The following CMSS1 variants were observed in gnomAD, a reference collection of about 807,000 sequenced individuals.
CMSS1 encodes the protein cms1 ribosomal small subunit homolog, also known as protein CMSS1.
Under a neutral mutation model 43.5 loss-of-function variants are expected in CMSS1, and 33 were observed. That is an observed-to-expected ratio of 0.76 (90% confidence interval 0.57 to 1.01). CMSS1 has a LOEUF of 1.01. Ranked by LOEUF, CMSS1 falls within the 50% of genes least tolerant of loss-of-function variation. The pLI is 0.00. For synonymous variants in CMSS1, 115 were observed against 117.2 expected (o/e 0.98, Z 0.12); for missense variants, 313 against 326.4 (o/e 0.96, Z 0.32).
intron 1 of CMSS1, chr3:99,876,097 C>CG: frequency 1.0e-6 from 1 of 986,342 alleles, no homozygotes; most frequent in Non-Finnish European, 1.2e-6. Context: ...CGGGGCCGGG[C>CG]GGGGGCCGGG....
chr3:99,840,476 C>T lies in CMSS1; in HGVS notation c.64+22433C>T, dbSNP rs1943086665. On this transcript the variant is annotated intron_variant, in intron 1 of 9. Transcript: ENST00000421999. ...TGACCTCATGATCTGCCCGCTTTGG[C>T]CTCCCAAAGTGCTGGGATTACAGGC... Among the ~76,000 whole-genome samples the T allele has an allele frequency of 2.0e-5, 3 of 152,022 alleles. No individual in the cohort carries two copies. The South Asian group carries it at 6.2e-4, about 31-fold the overall frequency.
chr3:99,910,443 A>C (rs1706752875), intron 1 of CMSS1, among the ~76,000 whole-genome samples: 1 of 136,286 alleles, frequency 7.3e-6, no homozygotes, highest in African/African-American at 2.5e-5. Flanking sequence ...CATTTCTTTA[A>C]TAAATCTTCC....
intron 1 of CMSS1, among the ~76,000 whole-genome samples, chr3:99,851,675 CAA>C (rs1425672343): frequency 2.0e-5 from 3 of 152,072 alleles, no homozygotes; most frequent in Non-Finnish European, 4.4e-5. Flanking sequence ...TTGCTTGAAC[CAA>C]AGTGTTCAAT....
At chr3:99,850,217 T>C (rs1433432547) in intron 1 of CMSS1, 1 of 1,613,382 alleles carries the variant, frequency 6.2e-7, no homozygotes, top group Non-Finnish European at 8.5e-7. Context: ...AAATCCTCTT[T>C]TAGAGTGAAT....
At chr3:100,040,596 G>A (rs1325773967) in intron 1 of CMSS1, 1 of 152,124 alleles carries the variant, frequency 6.6e-6, no homozygotes, top group Non-Finnish European at 1.5e-5. Context: ...GACTGAACAG[G>A]CCCTTATATA....
intron 1 of CMSS1, among the ~76,000 whole-genome samples, chr3:99,891,166 T>A (rs1706071566): frequency 6.6e-6 from 1 of 152,112 alleles, no homozygotes; most frequent in African/African-American, 2.4e-5. Flanking sequence ...TAACTCCCAA[T>A]GCCATAGTTC....
rs749302480 is a variant in CMSS1, at chr3:99,961,013, A to G, written c.64+142970A>G. The stretch of plus-strand genomic sequence containing the variant: ...TGCGTGTGTGCAGATCGCAGGTTTT[A>G]TCAGGAACATATTCGTTAATATTTA... On this transcript the variant is annotated intron_variant, in intron 1 of 9. Transcript: ENST00000421999. Among the ~76,000 whole-genome samples, 23 of 152,210 alleles carry G rather than the reference A, an allele frequency of 1.5e-4. No individual in the cohort carries two copies. In the Middle Eastern group the frequency reaches 0.01, roughly 68 times the overall value.
At chr3:99,844,411 A>G (rs1943271579) in intron 1 of CMSS1, among the ~76,000 whole-genome samples, 1 of 152,168 alleles carries the variant, frequency 6.6e-6, no homozygotes, top group African/African-American at 2.4e-5. Flanking sequence ...ACAAAGCAAA[A>G]TGATTATTTG....
intron 1 of CMSS1, chr3:99,930,931 G>GT: frequency 6.2e-7 from 1 of 1,613,632 alleles, no homozygotes; most frequent in Non-Finnish European, 8.5e-7. Flanking sequence ...TATGCTTCAT[G>GT]TTTTTAGGCC....
At chr3:100,158,772 TC>T (rs1342072285) in intron 2 of CMSS1, among the ~76,000 whole-genome samples, 6 of 152,202 alleles carry the variant, frequency 3.9e-5, no homozygotes, top group African/African-American at 1.4e-4. Flanking sequence ...AATTAAAGAG[TC>T]CATATTCTTA....
At chr3:100,048,304 TCCCAGAGG>T (rs1309886340) in intron 1 of CMSS1, among the ~76,000 whole-genome samples, 1 of 152,230 alleles carries the variant, frequency 6.6e-6, no homozygotes, top group African/African-American at 2.4e-5. Flanking sequence ...TATGCTTTAG[TCCCAGAGG>T]CCCCTCATTT....
Position 99,924,554 on chromosome 3 carries a change from C to T in CMSS1, c.64+106511C>T, listed in dbSNP as rs948407271. 32 of 799,864 alleles carry T rather than the reference C, an allele frequency of 4.0e-5. No individual in the cohort carries two copies. In the Admixed American group the frequency reaches 6.9e-4, roughly 17 times the overall value. The allele number at this position is 799,864 out of a possible 1,614,324, so 49.5% of individuals were successfully genotyped here. A position where few individuals can be genotyped will look rare whatever the true frequency, so the allele number is the denominator to read the frequency against. ...TTTGTTTTGAAACAGTTTTCGCTGTCGTTGCCCAGGCTGGAGTGCAATGGC... is the reference window on the plus strand; with the variant it reads ...TTTGTTTTGAAACAGTTTTCGCTGTTGTTGCCCAGGCTGGAGTGCAATGGC... On this transcript the variant is annotated intron_variant, in intron 1 of 9. Transcript: ENST00000421999.
chr3:99,830,790 A>C (rs1942646240), intron 1 of CMSS1, among the ~76,000 whole-genome samples: 1 of 152,188 alleles, frequency 6.6e-6, no homozygotes, highest in Non-Finnish European at 1.5e-5. Context: ...GTGTGTGTTG[A>C]ATGTGTGCTG....
chr3:99,850,810 G>T, intron 1 of CMSS1: 2 of 1,614,152 alleles, frequency 1.2e-6, no homozygotes, highest in South Asian at 1.1e-5. Context: ...CTCTAGTCTG[G>T]TTGCCTTCTG....
intron 1 of CMSS1, among the ~76,000 whole-genome samples, chr3:100,027,871 A>T (rs1383041597): frequency 4.6e-5 from 7 of 152,184 alleles, no homozygotes; most frequent in Admixed American, 2.0e-4. Context: ...AGAACAAGTG[A>T]AACTAGAGTT....
At chr3:100,149,463 C>T (rs1189850394) in intron 2 of CMSS1, among the ~76,000 whole-genome samples, 2 of 152,094 alleles carry the variant, frequency 1.3e-5, no homozygotes, top group African/African-American at 4.8e-5. Context: ...TTCTGCCAAG[C>T]AAAAAAATAA....
intron 1 of CMSS1, among the ~76,000 whole-genome samples, chr3:99,825,656 C>G (rs528784645): frequency 1.3e-5 from 2 of 152,080 alleles, no homozygotes; most frequent in Middle Eastern, 6.8e-3. Flanking sequence ...GTCCATGAAT[C>G]TCTTGAAAAA....
At chr3:99,931,136 C>T in intron 1 of CMSS1, 2 of 907,904 alleles carry the variant, frequency 2.2e-6, no homozygotes, top group Admixed American at 2.4e-5. Flanking sequence ...TTTACCACAG[C>T]CCCAAAGTCA....
chr3:99,867,720 G>A (rs1400425557), intron 1 of CMSS1, among the ~76,000 whole-genome samples: 2 of 152,078 alleles, frequency 1.3e-5, no homozygotes, highest in Non-Finnish European at 2.9e-5. Context: ...ACAATCTTTA[G>A]AGTCCTTTCC....
Sources: allele counts gnomAD v4.1 joint callset (sites outside exome capture counted in the v4.1 genomes callset), GRCh38; gene constraint gnomAD v4.1.1; transcripts MANE v1.5; gene names NCBI Gene and HGNC (gene_info 2026-07-23, HGNC 2026-07-21).